The following MYRIP variants were observed in gnomAD, a reference collection of about 807,000 sequenced individuals.
MYRIP encodes myosin VIIA and Rab interacting protein.
MYRIP carries 49 observed loss-of-function variants against 98.0 expected under a neutral mutation model. That is an observed-to-expected ratio of 0.50 (90% confidence interval 0.40 to 0.63). The LOEUF (loss-of-function observed/expected upper bound fraction) is 0.63. Among genes scored for constraint, MYRIP ranks in the 30% least tolerant of loss-of-function variants. MYRIP has a pLI of 0.00. For missense variants in MYRIP, 1,004 were observed against 1,058.2 expected, an observed-to-expected ratio of 0.95 and a Z score of 0.71; for synonymous variants, 404 against 409.5, an observed-to-expected ratio of 0.99 and a Z score of 0.16.
At chr3:40,044,886 G>GC (rs1382175626) in intron 3 of MYRIP, among the ~76,000 whole-genome samples, 1 of 152,150 alleles carries the variant, frequency 6.6e-6, no homozygotes, top group Non-Finnish European at 1.5e-5. Context: ...CTTTGCGAGG[G>GC]AAATAACAAG....
At position 40,043,780 on chromosome 3, in the gene MYRIP, A is replaced by G. The variant is rs74602505; in HGVS notation, c.111-270A>G. ...TAGTTTTTTAATAACTTGTATCTCAATGTAGTCTCTGAAATGGAAGTGATA... is the reference window on the plus strand; with the variant it reads ...TAGTTTTTTAATAACTTGTATCTCAGTGTAGTCTCTGAAATGGAAGTGATA... On this transcript the variant is annotated intron_variant, in intron 2 of 16. Coordinates refer to ENST00000302541, the MANE Select transcript of MYRIP (RefSeq NM_015460.4). Among the ~76,000 whole-genome samples the G allele has an allele frequency of 3.4e-3, 515 of 152,358 alleles. 3 individuals are homozygous for G. The highest frequency in any genetic ancestry group is 5.6e-3 in the Non-Finnish European group (379 of 68,028).
intron 1 of MYRIP, among the ~76,000 whole-genome samples, chr3:39,879,443 A>G (rs534381886): frequency 2.3e-4 from 35 of 151,946 alleles, no homozygotes; most frequent in Non-Finnish European, 3.8e-4. Context: ...TGTGGAGGAT[A>G]TAGTACAGAG....
At chr3:39,928,911 T>C (rs1944479673) in intron 2 of MYRIP, among the ~76,000 whole-genome samples, 1 of 151,960 alleles carries the variant, frequency 6.6e-6, no homozygotes, top group Non-Finnish European at 1.5e-5. Context: ...GCAGAAGTCA[T>C]GATAGTCTAC....
intron 11 of MYRIP, among the ~76,000 whole-genome samples, chr3:40,216,101 T>C (rs1328255208): frequency 6.6e-6 from 1 of 152,224 alleles, no homozygotes; most frequent in Non-Finnish European, 1.5e-5. Context: ...TAGGCAAAGA[T>C]GGACTGGGAA....
chr3:39,829,606 A>C (rs1354141621), intron 1 of MYRIP, among the ~76,000 whole-genome samples: 2 of 152,270 alleles, frequency 1.3e-5, no homozygotes, highest in Non-Finnish European at 2.9e-5. Flanking sequence ...GAGAGCTTGC[A>C]TGCACATCGT....
intron 10 of MYRIP, among the ~76,000 whole-genome samples, chr3:40,204,516 C>T (rs942310738): frequency 2.6e-5 from 4 of 151,746 alleles, no homozygotes; most frequent in African/African-American, 7.3e-5. Flanking sequence ...GAAGAGGCAA[C>T]GTTTTGTTCC....
intron 1 of MYRIP, among the ~76,000 whole-genome samples, chr3:39,838,539 T>C (rs1941695415): frequency 6.6e-6 from 1 of 152,182 alleles, no homozygotes; most frequent in African/African-American, 2.4e-5. Flanking sequence ...TGAACCAGCC[T>C]TGCATCCCAG....
chr3:39,908,432 C>G (rs939318573), intron 2 of MYRIP, among the ~76,000 whole-genome samples: 3 of 152,228 alleles, frequency 2.0e-5, no homozygotes, highest in South Asian at 4.2e-4. Context: ...ATCTTCCACC[C>G]CCCCCATTGC....
chr3:40,253,441 A>C (rs1376953945), intron 16 of MYRIP, among the ~76,000 whole-genome samples: 1 of 152,214 alleles, frequency 6.6e-6, no homozygotes, highest in East Asian at 1.9e-4. Flanking sequence ...ATATAAACAA[A>C]TAAGACGAGA....
chr3:40,195,225 C>T (rs1312934034), intron 10 of MYRIP, among the ~76,000 whole-genome samples: 1 of 152,184 alleles, frequency 6.6e-6, no homozygotes, highest in Non-Finnish European at 1.5e-5. Flanking sequence ...ACTTACTAAA[C>T]AATTTAAATC....
intron 11 of MYRIP, among the ~76,000 whole-genome samples, chr3:40,231,277 C>G (rs1026052350): frequency 6.6e-6 from 1 of 152,192 alleles, no homozygotes; most frequent in African/African-American, 2.4e-5. Context: ...GATGCAAATG[C>G]CTTCAGGGGC....
intron 7 of MYRIP, 117 bp downstream of exon 7, chr3:40,167,356 T>G: frequency 1.1e-6 from 1 of 938,730 alleles, no homozygotes; most frequent in South Asian, 1.5e-5. Context: ...CTTCTGTGCC[T>G]TCTCACTTTA....
chr3:39,924,947 A>G (rs545967432), intron 2 of MYRIP, among the ~76,000 whole-genome samples: 2 of 152,090 alleles, frequency 1.3e-5, no homozygotes, highest in East Asian at 3.9e-4. Context: ...AATTTATGGG[A>G]AACTGCTAAA....
At chr3:40,151,835 A>AT (rs1014164682) in intron 4 of MYRIP, among the ~76,000 whole-genome samples, 20 of 151,812 alleles carry the variant, frequency 1.3e-4, no homozygotes, top group Middle Eastern at 6.8e-3. Flanking sequence ...CTGGTGGCAG[A>AT]TTTTTTTTTC....
chr3:39,880,330 C>T (rs1559507371), intron 1 of MYRIP, among the ~76,000 whole-genome samples: 2 of 152,188 alleles, frequency 1.3e-5, no homozygotes, highest in Non-Finnish European at 2.9e-5. Context: ...CTAATGTACG[C>T]AATCTAGTTT....
At chr3:40,012,956 C>T (rs1193372173) in intron 2 of MYRIP, among the ~76,000 whole-genome samples, 1 of 152,184 alleles carries the variant, frequency 6.6e-6, no homozygotes, top group Non-Finnish European at 1.5e-5. Flanking sequence ...CACATCACAC[C>T]TGCATTCCAC....
At chr3:40,156,234 A>G (rs1297306986) in intron 4 of MYRIP, among the ~76,000 whole-genome samples, 11 of 151,960 alleles carry the variant, frequency 7.2e-5, no homozygotes, top group Admixed American at 4.6e-4. Flanking sequence ...TCCCAGCACC[A>G]TTTATTAAAT....
intron 8 of MYRIP, among the ~76,000 whole-genome samples, chr3:40,171,250 G>A (rs1376957641): frequency 6.6e-6 from 1 of 152,018 alleles, no homozygotes; most frequent in East Asian, 1.9e-4. Context: ...GTAAAAAAGA[G>A]GTAATAGGAG....
intron 2 of MYRIP, among the ~76,000 whole-genome samples, chr3:39,901,766 C>A (rs532130393): frequency 6.6e-6 from 1 of 151,948 alleles, no homozygotes; most frequent in Admixed American, 6.6e-5. Flanking sequence ...AGTTTTAAAT[C>A]AATTAATTAT....
Sources: gnomAD v4.1 joint callset for allele counts (sites outside exome capture counted in the v4.1 genomes callset) on GRCh38, gnomAD v4.1.1 for gene constraint, MANE v1.5 for transcripts, NCBI Gene and HGNC (gene_info 2026-07-23, HGNC 2026-07-21) for gene names.